PROS1: variants seen among roughly 807,000 people sequenced by gnomAD.
PROS1 encodes the protein vitamin K-dependent protein S.
A neutral mutation model predicts 75.9 loss-of-function variants in PROS1; 29 were observed. The ratio of observed to expected loss-of-function variants is 0.38; its 90% CI spans 0.28 to 0.52. The LOEUF (loss-of-function observed/expected upper bound fraction) is 0.52. Among genes scored for constraint, PROS1 ranks in the 20% least tolerant of loss-of-function variants. PROS1 has a pLI of 0.83. For missense variants in PROS1, 680 were observed against 810.3 expected, an observed-to-expected ratio of 0.84 and a Z score of 1.95; for synonymous variants, 245 against 280.6, an observed-to-expected ratio of 0.87 and a Z score of 1.27.
intron 7 of PROS1, 24 bp downstream of exon 7, chr3:93,900,780 G>A (rs377299388): frequency 5.1e-5 from 83 of 1,611,704 alleles, no homozygotes; most frequent in Non-Finnish European, 6.9e-5. Context: ...TCCACCATCA[G>A]TAATGATACC....
intron 4 of PROS1, 134 bp from the exon 5 acceptor site, chr3:93,906,277 C>T (rs1708674544): frequency 1.0e-6 from 1 of 981,794 alleles, no homozygotes; most frequent in Non-Finnish European, 1.5e-6. Context: ...TTAAATAATA[C>T]TTTTCCTAAA....
chr3:93,948,081 C>A (rs534636173), intron 1 of PROS1, among the ~76,000 whole-genome samples: 1 of 152,020 alleles, frequency 6.6e-6, no homozygotes, highest in Non-Finnish European at 1.5e-5. Context: ...CCTAGTTTAC[C>A]CAGCTTACTT....
chr3:93,951,997 A>T (rs1709506568), intron 1 of PROS1, among the ~76,000 whole-genome samples: 1 of 152,228 alleles, frequency 6.6e-6, no homozygotes, highest in Non-Finnish European at 1.5e-5. Context: ...TCCATTACAT[A>T]ATGGTAAAGG....
intron 10 of PROS1, among the ~76,000 whole-genome samples, chr3:93,892,430 G>A (rs923831869): frequency 1.3e-5 from 2 of 151,906 alleles, no homozygotes; most frequent in Non-Finnish European, 2.9e-5. Context: ...TTCGAGACCA[G>A]CTGGACCAAC....
chr3:93,916,451 T>C (rs935482970), intron 3 of PROS1, among the ~76,000 whole-genome samples: 2 of 152,168 alleles, frequency 1.3e-5, no homozygotes, highest in African/African-American at 4.8e-5. Context: ...GCACATTATA[T>C]AGAAGCCTAC....
chr3:93,941,715 C>T (rs555949628), intron 1 of PROS1, among the ~76,000 whole-genome samples: 1 of 152,174 alleles, frequency 6.6e-6, no homozygotes, highest in Admixed American at 6.5e-5. Context: ...CACCTTGTAG[C>T]CTTTTTGTCC....
At chr3:93,911,084 G>A (rs1444407459) in intron 3 of PROS1, 1 of 250,606 alleles carries the variant, frequency 4.0e-6, no homozygotes, top group Non-Finnish European at 7.8e-6. Flanking sequence ...GATTTATAAA[G>A]TATATGTAAT....
chr3:93,883,410 G>A (rs764318170), intron 12 of PROS1, among the ~76,000 whole-genome samples: 17 of 151,914 alleles, frequency 1.1e-4, no homozygotes, highest in Non-Finnish European at 2.2e-4. Context: ...AACCAGCCTG[G>A]CCAACATGGC....
intron 1 of PROS1, among the ~76,000 whole-genome samples, chr3:93,963,226 A>T (rs1709735023): frequency 6.6e-6 from 1 of 152,204 alleles, no homozygotes. Flanking sequence ...TTGGGACTTA[A>T]GTGGAGTCTG....
intron 14 of PROS1, 36 bp from the exon 15 acceptor site, chr3:93,874,441 C>G (rs1465783682): frequency 3.1e-6 from 5 of 1,609,500 alleles, no homozygotes; most frequent in South Asian, 2.2e-5. Context: ...TAGTCCAAGA[C>G]TTTTAGCATC....
intron 3 of PROS1, among the ~76,000 whole-genome samples, chr3:93,917,671 G>C (rs1407325798): frequency 6.6e-6 from 1 of 152,140 alleles, no homozygotes; most frequent in African/African-American, 2.4e-5. Context: ...TTGGCGGGCC[G>C]GCACTCGGAG....
In PROS1 at chr3:93,917,782, C is replaced by T. The variant is rs544089684; in HGVS notation, c.259+6458G>A. Among the ~76,000 whole-genome samples, 27 of 152,262 alleles carry T rather than the reference C, an allele frequency of 1.8e-4. No homozygotes were observed. In the East Asian group the frequency reaches 1.9e-3, roughly 11 times the overall value. On this transcript the variant is annotated intron_variant, in intron 3 of 14. Transcript: ENST00000394236. ...TCCCCCAGCAGTGCTGGCCCACTGGCGCTGCGCTTGATTTCTCGCCAGGCC... is the reference window on the plus strand; with the variant it reads ...TCCCCCAGCAGTGCTGGCCCACTGGTGCTGCGCTTGATTTCTCGCCAGGCC...
chr3:93,905,268 A>G (rs1197605282), intron 6 of PROS1, among the ~76,000 whole-genome samples: 1 of 152,222 alleles, frequency 6.6e-6, no homozygotes, highest in African/African-American at 2.4e-5. Context: ...AAGTGTGTAC[A>G]CGCACATACA....
chr3:93,910,902 A>T (rs1392248303), intron 3 of PROS1, 197 bp from the exon 4 acceptor site: 1 of 572,460 alleles, frequency 1.7e-6, no homozygotes, highest in African/African-American at 1.9e-5. Context: ...GGCAACAGAT[A>T]CAGAAACATA....
intron 1 of PROS1, among the ~76,000 whole-genome samples, chr3:93,954,606 C>T (rs1709567026): frequency 6.6e-6 from 1 of 152,104 alleles, no homozygotes; most frequent in Non-Finnish European, 1.5e-5. Context: ...AATGTTAGAC[C>T]TAAAACCATA....
At chr3:93,960,507 A>T (rs1216091356) in intron 1 of PROS1, among the ~76,000 whole-genome samples, 1 of 149,872 alleles carries the variant, frequency 6.7e-6, no homozygotes, top group East Asian at 1.9e-4. Context: ...AGGCAGTTAA[A>T]AACAAGTACA....
chr3:93,893,710 C>T (rs918083101), intron 9 of PROS1, among the ~76,000 whole-genome samples: 1 of 152,114 alleles, frequency 6.6e-6, no homozygotes, highest in Non-Finnish European at 1.5e-5. Flanking sequence ...ATCATTAAGC[C>T]TTCATGTGTG....
chr3:93,951,829 G>A (rs1289906278), intron 1 of PROS1, among the ~76,000 whole-genome samples: 2 of 152,168 alleles, frequency 1.3e-5, no homozygotes, highest in Non-Finnish European at 2.9e-5. Context: ...GCTGTATTCA[G>A]GAGACCAATC....
intron 10 of PROS1, among the ~76,000 whole-genome samples, chr3:93,891,596 G>A (rs1457175535): frequency 6.6e-6 from 1 of 152,042 alleles, no homozygotes; most frequent in African/African-American, 2.4e-5. Flanking sequence ...TTTTAATAGA[G>A]ATGGGGTTTC....
Sources: gnomAD v4.1 joint callset for allele counts (sites outside exome capture counted in the v4.1 genomes callset) on GRCh38, gnomAD v4.1.1 for gene constraint, MANE v1.5 for transcripts, NCBI Gene and HGNC (gene_info 2026-07-23, HGNC 2026-07-21) for gene names.